TMEM278: variants seen among roughly 807,000 people sequenced by gnomAD.
TMEM278 encodes transmembrane protein 278.
At chr1:1,430,159 T>C in the TMEM278 span, among the ~76,000 whole-genome samples, 1 of 152,216 alleles carries the variant, frequency 6.6e-6, no homozygotes, top group African/African-American at 2.4e-5. Context: ...CACCTGGCCT[T>C]ATTTATTTTT....
chr1:1,427,919 G>C, the TMEM278 span: 2 of 860,992 alleles, frequency 2.3e-6, no homozygotes, highest in Non-Finnish European at 3.1e-6. Flanking sequence ...CCCGGCTTAC[G>C]ACCCCGGCCT....
the TMEM278 span, among the ~76,000 whole-genome samples, chr1:1,429,106 T>C: frequency 6.6e-6 from 1 of 151,962 alleles, no homozygotes; most frequent in Non-Finnish European, 1.5e-5. Flanking sequence ...GAGGCAGAGA[T>C]TGCAGTGAGC....
the TMEM278 span, chr1:1,426,490 C>A: frequency 1.0e-6 from 1 of 959,638 alleles, no homozygotes; most frequent in Non-Finnish European, 1.4e-6. Flanking sequence ...CCCTTGTCCT[C>A]AGAGACACGT....
chr1:1,426,698 G>C, the TMEM278 span, among the ~76,000 whole-genome samples: 28 of 152,046 alleles, frequency 1.8e-4, 1 homozygote, highest in Admixed American at 1.8e-3. Context: ...TGAAAATGTC[G>C]TTGAAGTTTC....
the TMEM278 span, among the ~76,000 whole-genome samples, chr1:1,428,961 C>T: frequency 7.0e-6 from 1 of 142,316 alleles, no homozygotes; most frequent in Admixed American, 7.4e-5. Context: ...GATCACGCCA[C>T]TGCACTCTAG....
chr1:1,428,999 CAAAA>C, the TMEM278 span, among the ~76,000 whole-genome samples: 1 of 93,294 alleles, frequency 1.1e-5, no homozygotes, highest in Admixed American at 1.1e-4. Context: ...GGCTCCGTCT[CAAAA>C]AAAAAAAAAA....
At chr1:1,427,681 T>C in the TMEM278 span, 1 of 1,331,064 alleles carries the variant, frequency 7.5e-7, no homozygotes, top group East Asian at 3.3e-5. Flanking sequence ...CGCGCCCGCC[T>C]AGCCCGGCGC....
the TMEM278 span, among the ~76,000 whole-genome samples, chr1:1,430,242 C>T: frequency 6.6e-6 from 1 of 152,290 alleles, no homozygotes; most frequent in Admixed American, 6.5e-5. Flanking sequence ...AAAATGTACG[C>T]TCATAGTAAT....
chr1:1,426,161 G>A, the TMEM278 span: 1 of 1,415,076 alleles, frequency 7.1e-7, no homozygotes, highest in East Asian at 2.8e-5. Context: ...GGAGGAGGAG[G>A]AGGGGGGAGG....
the TMEM278 span, among the ~76,000 whole-genome samples, chr1:1,429,458 C>A: frequency 2.0e-5 from 3 of 151,652 alleles, no homozygotes; most frequent in Non-Finnish European, 4.4e-5. Context: ...ATTACAGTTT[C>A]CACTTCTTAA....
chr1:1,427,005 C>T, the TMEM278 span, among the ~76,000 whole-genome samples: 260 of 150,934 alleles, frequency 1.7e-3, 2 homozygotes, highest in African/African-American at 6.0e-3. Context: ...TGGCCCACAG[C>T]GGCCCGCCCC....
the TMEM278 span, among the ~76,000 whole-genome samples, chr1:1,427,974 GAA>G: frequency 2.8e-5 from 4 of 141,266 alleles, 1 homozygote; most frequent in African/African-American, 1.1e-4. Flanking sequence ...CAGGGGAGGG[GAA>G]GAGAGGGGAG....
At chr1:1,426,044 G>C in the TMEM278 span, 4 of 1,277,754 alleles carry the variant, frequency 3.1e-6, no homozygotes, top group Non-Finnish European at 4.0e-6. Context: ...CGTGGGGCGG[G>C]GTTAAAGGTC....
chr1:1,427,893 C>A, the TMEM278 span: 2 of 1,115,242 alleles, frequency 1.8e-6, no homozygotes, highest in South Asian at 2.2e-5. Flanking sequence ...CCCTTCCTGG[C>A]TGGGCGCGCA....
chr1:1,427,764 G>A, the TMEM278 span: 3 of 1,339,298 alleles, frequency 2.2e-6, no homozygotes, highest in South Asian at 1.7e-5. Flanking sequence ...CGACGAGGAC[G>A]AGCAACTCTG....
At chr1:1,426,151 G>C in the TMEM278 span, 1 of 1,376,540 alleles carries the variant, frequency 7.3e-7, no homozygotes. Flanking sequence ...GGAGGGAGAC[G>C]GAGGAGGAGG....
the TMEM278 span, chr1:1,427,872 G>GC: frequency 2.5e-6 from 3 of 1,202,806 alleles, no homozygotes; most frequent in Non-Finnish European, 3.2e-6. Flanking sequence ...ACTGAGGGTC[G>GC]CCCCCGCTGC....
At chr1:1,429,453 A>C in the TMEM278 span, among the ~76,000 whole-genome samples, 29 of 152,198 alleles carry the variant, frequency 1.9e-4, no homozygotes, top group South Asian at 1.7e-3. Context: ...TTTAGATTAC[A>C]GTTTCCACTT....
At chr1:1,425,978 C>G in the TMEM278 span, 1 of 1,237,160 alleles carries the variant, frequency 8.1e-7, no homozygotes, top group Non-Finnish European at 1.0e-6. Context: ...GACATCAGGG[C>G]AGGACCTCCC....
Sources: gnomAD v4.1 joint callset for allele counts (sites outside exome capture counted in the v4.1 genomes callset) on GRCh38, gnomAD v4.1.1 for gene constraint, MANE v1.5 for transcripts, NCBI Gene and HGNC (gene_info 2026-07-23, HGNC 2026-07-21) for gene names.